Variants in NCAM1 observed in about 807,000 individuals in gnomAD.
The protein encoded by NCAM1 is neural cell adhesion molecule 1.
Under a neutral mutation model 109.8 loss-of-function variants are expected in NCAM1, and 14 were observed. That is an observed-to-expected ratio of 0.13 (90% CI 0.08 to 0.20). The LOEUF is 0.20. Among genes scored for constraint, NCAM1 ranks in the 10% least tolerant of loss-of-function variants. The pLI is 1.00. For missense variants in NCAM1, 774 were observed against 1,109.9 expected (o/e 0.70, Z 4.30); for synonymous variants, 418 against 442.9 (o/e 0.94, Z 0.70).
At chr11:113,021,621 A>G (rs187029274) in intron 1 of NCAM1, among the ~76,000 whole-genome samples, 35 of 152,340 alleles carry the variant, frequency 2.3e-4, no homozygotes, top group South Asian at 1.5e-3. Flanking sequence ...CATTATATCA[A>G]TTAAAGCCCT....
chr11:112,961,779 A>T (rs1406756174), intron 1 of NCAM1, 115 bp downstream of exon 1: 1 of 711,964 alleles, frequency 1.4e-6, no homozygotes, highest in South Asian at 1.9e-5. Context: ...AAGGCTGGTC[A>T]TTTTCGTTTA....
intron 14 of NCAM1, chr11:113,243,537 CTTT>C (rs1565525156): frequency 3.9e-6 from 2 of 518,322 alleles, no homozygotes; most frequent in Non-Finnish European, 7.7e-6. Flanking sequence ...ATTGTATCCT[CTTT>C]TTTCATCGTA....
At chr11:112,965,220 C>G (rs1950699286) in intron 1 of NCAM1, among the ~76,000 whole-genome samples, 1 of 149,828 alleles carries the variant, frequency 6.7e-6, no homozygotes, top group Non-Finnish European at 1.5e-5. Context: ...TTTGATAGTT[C>G]AAGAATTAAG....
At chr11:113,239,318 T>C (rs1001096156) in intron 14 of NCAM1, among the ~76,000 whole-genome samples, 10 of 152,212 alleles carry the variant, frequency 6.6e-5, no homozygotes, top group African/African-American at 2.4e-4. Context: ...AACCTCTGTT[T>C]GCCTTGAGAC....
Position 113,233,213 on chromosome 11 carries a change from A to G in NCAM1, c.1589A>G (p.Asp530Gly), listed in dbSNP as rs782238558. ...TCCAGCACAGCCCAGGTGCAGTTTGATGAACCAGAGGCCACAGGTGGGGTG... is the reference window on the plus strand; with the variant it reads ...TCCAGCACAGCCCAGGTGCAGTTTGGTGAACCAGAGGCCACAGGTGGGGTG... ...PYSSTAQVQF[D>G]EPEATGGVPI... The change falls in exon 13 of 20, where the codon GAT becomes GGT. Residue 530 changes from aspartate (D) to glycine (G), a missense_variant. Asp to Gly is a moderately conservative substitution (Grantham distance 94). Coordinates refer to ENST00000316851, the MANE Select transcript of NCAM1 (RefSeq NM_181351.5). This position sits in a 1 kb window ranked among gnomAD's most constrained non-coding sequence, Gnocchi z 4.5. 3.1e-6 allele frequency: 5 copies of G among 1,613,928 alleles called. No homozygotes were observed. Among genetic ancestry groups the G allele is most frequent in the Non-Finnish European group, 4.2e-6 (5 of 1,179,866 alleles).
intron 1 of NCAM1, among the ~76,000 whole-genome samples, chr11:113,040,711 T>C (rs1419133355): frequency 6.6e-6 from 1 of 152,248 alleles, no homozygotes; most frequent in Non-Finnish European, 1.5e-5. Context: ...ATAGCCTCTG[T>C]CATTTATTTC....
chr11:113,119,231 A>G (rs999493638), intron 1 of NCAM1, among the ~76,000 whole-genome samples: 2 of 152,152 alleles, frequency 1.3e-5, no homozygotes, highest in African/African-American at 2.4e-5. Flanking sequence ...CTATTAGTTG[A>G]GTCATCACAG....
In NCAM1 at chr11:112,974,611, A is replaced by G. The variant is rs188205377; in HGVS notation, c.52+12947A>G. On this transcript the variant is annotated intron_variant, in intron 1 of 19. Transcript: ENST00000316851. ...GCTGAATAAGAAATGGATTGGGGGT[A>G]ATTTTTTCTTCTGTAGTCTAGACTT... Among the ~76,000 whole-genome samples the G allele has an allele frequency of 8.1e-4, 123 of 152,106 alleles. 1 individual carries two copies. Among genetic ancestry groups the G allele is most frequent in the Admixed American group, 1.1e-3 (17 of 15,264 alleles).
chr11:112,969,966 A>C (rs1237727045), intron 1 of NCAM1, among the ~76,000 whole-genome samples: 2 of 152,138 alleles, frequency 1.3e-5, no homozygotes, highest in Non-Finnish European at 2.9e-5. Flanking sequence ...TATTAGTTTT[A>C]ATGTCTGGGG....
At chr11:113,133,005 G>A (rs1390649439) in intron 1 of NCAM1, 1 of 152,240 alleles carries the variant, frequency 6.6e-6, no homozygotes, top group Admixed American at 6.5e-5. Context: ...TCAGGTTCAG[G>A]AGAAGGTATT....
intron 1 of NCAM1, among the ~76,000 whole-genome samples, chr11:113,017,922 T>C (rs1237363093): frequency 1.3e-5 from 2 of 152,200 alleles, no homozygotes; most frequent in Admixed American, 6.5e-5. Context: ...ATTCCTTTGA[T>C]TCCTTCCAAC....
In NCAM1 at chr11:113,051,359, C is replaced by T. The variant is rs1953481145; in HGVS notation, c.52+89695C>T. 2.0e-5 allele frequency among the ~76,000 whole-genome samples: 3 copies of T among 152,128 alleles called. No homozygotes were observed. In the South Asian group the frequency reaches 6.2e-4, roughly 31 times the overall value. On this transcript the variant is annotated intron_variant, in intron 1 of 19. Coordinates refer to ENST00000316851, the MANE Select transcript of NCAM1 (RefSeq NM_181351.5). ...CCCAACATGACTTTTTAAGCAACAC[C>T]ATCACTCTATGTGAAATGAGGTGTT...
chr11:113,214,836 C>A (rs1044644657), intron 8 of NCAM1, among the ~76,000 whole-genome samples: 24 of 152,156 alleles, frequency 1.6e-4, no homozygotes, highest in African/African-American at 5.5e-4. Flanking sequence ...AAGGCAATAT[C>A]CTGGTCCACC....
chr11:113,140,704 T>C (rs1555100240), intron 1 of NCAM1, among the ~76,000 whole-genome samples: 1 of 152,238 alleles, frequency 6.6e-6, no homozygotes, highest in Admixed American at 6.5e-5. Context: ...GAGTCTTGAT[T>C]ATTTTCTCCA....
At chr11:113,192,364 G>C (rs9667149) in intron 1 of NCAM1, among the ~76,000 whole-genome samples, 15,917 of 152,178 alleles carry the variant, frequency 0.1, 2,605 homozygotes, top group African/African-American at 0.35. Flanking sequence ...TAGTAATTCA[G>C]TTTCATGCAA....
chr11:113,101,417 C>T (rs1414181264), intron 1 of NCAM1, among the ~76,000 whole-genome samples: 1 of 152,160 alleles, frequency 6.6e-6, no homozygotes, highest in Non-Finnish European at 1.5e-5. Flanking sequence ...TCCTTTGTTA[C>T]TTTCATACTC....
chr11:113,155,792 G>C (rs1177526471), intron 1 of NCAM1, among the ~76,000 whole-genome samples: 2 of 151,984 alleles, frequency 1.3e-5, no homozygotes, highest in East Asian at 1.9e-4. Context: ...TCTGCTCCTT[G>C]AGTGTCTGGC....
chr11:113,083,393 G>T (rs1938932121), intron 1 of NCAM1, among the ~76,000 whole-genome samples: 1 of 152,200 alleles, frequency 6.6e-6, no homozygotes, highest in Admixed American at 6.5e-5. Flanking sequence ...TTGATCATTA[G>T]ATGGGAGGTG....
chr11:113,117,341 T>C (rs979180395), intron 1 of NCAM1, among the ~76,000 whole-genome samples: 5 of 151,962 alleles, frequency 3.3e-5, no homozygotes, highest in Admixed American at 3.3e-4. Context: ...TTTAATAATG[T>C]CATGTCCTGC....
Sources: allele counts gnomAD v4.1 joint callset (sites outside exome capture counted in the v4.1 genomes callset), GRCh38; gene constraint gnomAD v4.1.1; non-coding constraint Gnocchi (gnomAD v3.1); transcripts MANE v1.5; gene names NCBI Gene and HGNC (gene_info 2026-07-23, HGNC 2026-07-21).